Variants in MDGA2 observed in about 807,000 individuals in gnomAD.
The protein encoded by MDGA2 is MAM domain-containing glycosylphosphatidylinositol anchor protein 2.
MDGA2 carries 40 observed loss-of-function variants against 117.8 expected under a neutral mutation model. The observed-to-expected ratio is 0.34, with a 90% CI of 0.26 to 0.44. The LOEUF is 0.44. Among genes scored for constraint, MDGA2 ranks in the 20% least tolerant of loss-of-function variants. The probability of loss-of-function intolerance (pLI) is 1.00; values close to 1 mark genes in which losing one functional copy is unlikely to be tolerated. For missense variants in MDGA2, 1,123 were observed against 1,250.6 expected, an observed-to-expected ratio of 0.90 and a Z score of 1.54; for synonymous variants, 452 against 439.0, an observed-to-expected ratio of 1.03 and a Z score of -0.37.
At chr14:47,282,523 AACACACACACAC>A (rs59651044) in intron 2 of MDGA2, among the ~76,000 whole-genome samples, 2 of 149,384 alleles carry the variant, frequency 1.3e-5, no homozygotes, top group Non-Finnish European at 3.0e-5. Flanking sequence ...ATTAAAAATA[AACACACACACAC>A]ACACACACAC....
rs1386435257 is a variant in MDGA2, at chr14:47,134,786, T to TATATATAC, written c.793-2941_793-2940insGTATATAT. On this transcript the variant is annotated intron_variant, in intron 4 of 16. Transcript: ENST00000399232. ...TATACACACACACACACTATATATA[T>TATATATAC]ATATATATATCACACACATAATTAC... Among the ~76,000 whole-genome samples the TATATATAC allele has an allele frequency of 7.3e-5, 11 of 151,302 alleles. 1 individual carries two copies. The highest frequency in any genetic ancestry group is 2.7e-4 in the African/African-American group (11 of 41,318).
intron 2 of MDGA2, among the ~76,000 whole-genome samples, chr14:47,238,433 G>A (rs1403736916): frequency 1.4e-5 from 2 of 145,932 alleles, no homozygotes; most frequent in African/African-American, 4.9e-5. Flanking sequence ...AGAATATTCT[G>A]GGTAAGCATT....
chr14:47,409,504 G>A (rs1413247212), intron 1 of MDGA2, among the ~76,000 whole-genome samples: 1 of 152,080 alleles, frequency 6.6e-6, no homozygotes, highest in African/African-American at 2.4e-5. Context: ...CTTCTAGACT[G>A]CAAATTGAAC....
chr14:47,353,176 T>C (rs1416688633), intron 1 of MDGA2, among the ~76,000 whole-genome samples: 1 of 152,206 alleles, frequency 6.6e-6, no homozygotes, highest in East Asian at 1.9e-4. Flanking sequence ...CTGTACATGC[T>C]TGCTCATACA....
At chr14:47,070,091 T>C (rs1214898441) in intron 6 of MDGA2, among the ~76,000 whole-genome samples, 1 of 152,162 alleles carries the variant, frequency 6.6e-6, no homozygotes, top group Non-Finnish European at 1.5e-5. Context: ...GCTTTGTTAT[T>C]TTTAAATGTA....
chr14:47,019,454 AAAAGT>A (rs1302544098), intron 8 of MDGA2, among the ~76,000 whole-genome samples: 1 of 152,124 alleles, frequency 6.6e-6, no homozygotes, highest in East Asian at 1.9e-4. Context: ...TTTTGACATT[AAAAGT>A]AATGGCCAAA....
At chr14:46,966,174 A>G (rs1321003279) in intron 8 of MDGA2, among the ~76,000 whole-genome samples, 1 of 152,212 alleles carries the variant, frequency 6.6e-6, no homozygotes, top group Non-Finnish European at 1.5e-5. Context: ...TTATCTTTTT[A>G]TAACAATAAC....
intron 1 of MDGA2, among the ~76,000 whole-genome samples, chr14:47,624,550 A>G (rs1036032918): frequency 2.0e-5 from 3 of 152,246 alleles, no homozygotes; most frequent in Non-Finnish European, 2.9e-5. Context: ...TCAAACTGTA[A>G]GGATATAAAT....
intron 1 of MDGA2, among the ~76,000 whole-genome samples, chr14:47,465,659 T>C (rs1594871032): frequency 6.6e-6 from 1 of 152,112 alleles, no homozygotes; most frequent in Non-Finnish European, 1.5e-5. Flanking sequence ...AGAATGGCTA[T>C]TATTAAAAAG....
At chr14:46,915,392 A>G (rs1883860495) in intron 10 of MDGA2, among the ~76,000 whole-genome samples, 1 of 152,172 alleles carries the variant, frequency 6.6e-6, no homozygotes, top group Non-Finnish European at 1.5e-5. Flanking sequence ...CCTCATAATT[A>G]CACATCCTAT....
chr14:46,912,193 C>T (rs1228542306), intron 10 of MDGA2, among the ~76,000 whole-genome samples: 1 of 152,156 alleles, frequency 6.6e-6, no homozygotes, highest in African/African-American at 2.4e-5. Flanking sequence ...CAAGGACCTG[C>T]TGTACTTTGC....
intron 1 of MDGA2, among the ~76,000 whole-genome samples, chr14:47,323,185 T>C (rs1890038824): frequency 1.0e-5 from 1 of 99,190 alleles, no homozygotes; most frequent in Admixed American, 1.2e-4. Flanking sequence ...TATATATATA[T>C]ATATATATGG....
chr14:46,918,153 A>G (rs1366024938), intron 10 of MDGA2, among the ~76,000 whole-genome samples: 1 of 152,180 alleles, frequency 6.6e-6, no homozygotes, highest in Non-Finnish European at 1.5e-5. Flanking sequence ...CTAAAGATAC[A>G]ATTATGACTC....
chr14:47,242,762 C>T (rs1044866850), intron 2 of MDGA2, among the ~76,000 whole-genome samples: 13 of 151,822 alleles, frequency 8.6e-5, no homozygotes, highest in Admixed American at 2.6e-4. Flanking sequence ...CGAGCCTCCC[C>T]GACGAGCACC....
intron 3 of MDGA2, among the ~76,000 whole-genome samples, chr14:47,214,479 T>C (rs1044207131): frequency 3.9e-5 from 6 of 152,150 alleles, no homozygotes; most frequent in Non-Finnish European, 5.9e-5. Context: ...AACTGTATTC[T>C]TGATTAACAT....
chr14:47,018,279 G>GT (rs1177218817), intron 8 of MDGA2, among the ~76,000 whole-genome samples: 1 of 152,158 alleles, frequency 6.6e-6, no homozygotes, highest in East Asian at 1.9e-4. Context: ...ATGTTTATGA[G>GT]TTGTGCCTTC....
intron 1 of MDGA2, among the ~76,000 whole-genome samples, chr14:47,442,966 A>C (rs974445117): frequency 6.6e-6 from 1 of 152,160 alleles, no homozygotes; most frequent in Non-Finnish European, 1.5e-5. Context: ...CTCAGTTATC[A>C]GATGGACTGT....
chr14:47,416,866 C>A (rs1892486221), intron 1 of MDGA2, among the ~76,000 whole-genome samples: 1 of 152,126 alleles, frequency 6.6e-6, no homozygotes, highest in African/African-American at 2.4e-5. Context: ...ATTCTGCTCC[C>A]ACCCTCCCCA....
intron 3 of MDGA2, among the ~76,000 whole-genome samples, chr14:47,162,557 C>CT (rs200230235): frequency 0.028 from 4,242 of 152,130 alleles, 171 homozygotes; most frequent in African/African-American, 0.097. Flanking sequence ...GATTTCATAT[C>CT]TTTTTGTATT....
Sources: gnomAD v4.1 joint callset for allele counts (sites outside exome capture counted in the v4.1 genomes callset) on GRCh38, gnomAD v4.1.1 for gene constraint, MANE v1.5 for transcripts, NCBI Gene and HGNC (gene_info 2026-07-23, HGNC 2026-07-21) for gene names.